Variants in ADGB observed in about 807,000 individuals in gnomAD.
The protein encoded by ADGB is calpain-7-like protein.
Under a neutral mutation model 210.5 loss-of-function variants are expected in ADGB, and 172 were observed. That is an observed-to-expected ratio of 0.82 (90% CI 0.72 to 0.93). The LOEUF (loss-of-function observed/expected upper bound fraction) is 0.93, where lower values mean the gene tolerates loss of function less well. ADGB is among the 40% of genes least tolerant of loss of function. The pLI is 0.00. For missense variants in ADGB, 2,025 were observed against 1,964.8 expected, an observed-to-expected ratio of 1.03 and a Z score of -0.58; for synonymous variants, 658 against 662.7, an observed-to-expected ratio of 0.99 and a Z score of 0.11.
At chr6:146,626,873 G>A (rs568005145) in intron 1 of ADGB, among the ~76,000 whole-genome samples, 1 of 151,432 alleles carries the variant, frequency 6.6e-6, no homozygotes, top group South Asian at 2.1e-4. Context: ...TCCCTTCTTG[G>A]TGACAACAAT....
intron 7 of ADGB, among the ~76,000 whole-genome samples, chr6:146,667,536 G>A (rs764952062): frequency 6.6e-6 from 1 of 151,960 alleles, no homozygotes. Flanking sequence ...CTGTAGCTCA[G>A]CAGTCCTTCA....
intron 1 of ADGB, among the ~76,000 whole-genome samples, chr6:146,633,417 C>G (rs1231320545): frequency 6.6e-6 from 1 of 151,062 alleles, no homozygotes; most frequent in Non-Finnish European, 1.5e-5. Context: ...GGCTTCTTAT[C>G]TCACTCAGAG....
At chr6:146,629,846 TC>T (rs547672108) in intron 1 of ADGB, among the ~76,000 whole-genome samples, 3 of 152,198 alleles carry the variant, frequency 2.0e-5, no homozygotes, top group Non-Finnish European at 2.9e-5. Context: ...TACTTAGGAA[TC>T]CTCTTTAACA....
Position 146,675,095 on chromosome 6 carries a change from C to G in ADGB, c.1088-1218C>G, listed in dbSNP as rs146310072. Among the ~76,000 whole-genome samples the G allele has an allele frequency of 7.9e-5, 12 of 151,912 alleles. No homozygotes were observed. The East Asian group carries it at 2.3e-3, about 29-fold the overall frequency. On this transcript the variant is annotated intron_variant, in intron 8 of 35. Transcript: ENST00000397944. ...GAAACTTCTTGGTTAAATGTTTTAT[C>G]CTATGATTGAAGTTATAGTTATCTT... is the stretch of plus-strand genomic sequence containing the variant.
At chr6:146,656,496 C>A (rs757033316) in intron 4 of ADGB, among the ~76,000 whole-genome samples, 5 of 152,088 alleles carry the variant, frequency 3.3e-5, no homozygotes. Flanking sequence ...AAATAGAAGT[C>A]GTGCCAAATC....
chr6:146,728,477 T>C, intron 19 of ADGB, 97 bp from the exon 20 acceptor site: 3 of 1,204,824 alleles, frequency 2.5e-6, no homozygotes, highest in Non-Finnish European at 3.4e-6. Context: ...TATTGAATCA[T>C]ATAGCAGAGA....
intron 16 of ADGB, among the ~76,000 whole-genome samples, chr6:146,718,346 CAAA>C (rs34547633): frequency 0.016 from 1,294 of 80,162 alleles, 24 homozygotes; most frequent in African/African-American, 0.057. Context: ...GATTCCATCT[CAAA>C]AAAAAAAAAA....
rs138597030 is a variant in ADGB at position 146,666,378 on chromosome 6, T to A, written c.753-438T>A. On this transcript the variant is annotated intron_variant, in intron 6 of 35. Transcript: ENST00000397944. Reference sequence around the variant, plus strand: ...TCCACAGTTATCTAAGGATTTCTGATGCCCATCTTGACTTGCCATAGATGA... The same window carrying A: ...TCCACAGTTATCTAAGGATTTCTGAAGCCCATCTTGACTTGCCATAGATGA... Among the ~76,000 whole-genome samples, 355 of 152,172 alleles carry A rather than the reference T, an allele frequency of 2.3e-3. 1 individual carries two copies. Among genetic ancestry groups the A allele is most frequent in the Middle Eastern group, 3.4e-3 (1 of 294 alleles).
chr6:146,747,353 C>T (rs556609063), intron 26 of ADGB, among the ~76,000 whole-genome samples: 8 of 152,108 alleles, frequency 5.3e-5, no homozygotes, highest in Admixed American at 2.6e-4. Flanking sequence ...AGAAAACTAT[C>T]GTATCACATG....
chr6:146,772,124 T>C (rs886771168), intron 29 of ADGB, among the ~76,000 whole-genome samples: 5 of 152,094 alleles, frequency 3.3e-5, no homozygotes, highest in African/African-American at 1.2e-4. Context: ...AATAATCTCA[T>C]CATAAATCAT....
chr6:146,606,220 G>A (rs1176137450), intron 1 of ADGB, among the ~76,000 whole-genome samples: 3 of 151,802 alleles, frequency 2.0e-5, no homozygotes, highest in African/African-American at 4.8e-5. Flanking sequence ...GTCTGTTTAT[G>A]TCCTTTGCCC....
chr6:146,809,426 G>A (rs1219743845), intron 35 of ADGB, among the ~76,000 whole-genome samples: 1 of 152,046 alleles, frequency 6.6e-6, no homozygotes, highest in Admixed American at 6.6e-5. Context: ...GGCTGGTCTT[G>A]AACTCTTGAC....
chr6:146,670,829 T>G (rs898104184), intron 7 of ADGB, among the ~76,000 whole-genome samples: 2 of 152,150 alleles, frequency 1.3e-5, no homozygotes, highest in African/African-American at 4.8e-5. Context: ...AAAAAAAAAT[T>G]TTTAAAGGCT....
intron 29 of ADGB, among the ~76,000 whole-genome samples, chr6:146,774,820 T>C (rs1777698076): frequency 6.6e-6 from 1 of 152,188 alleles, no homozygotes; most frequent in South Asian, 2.1e-4. Context: ...ATGTCTTTAA[T>C]TTATCCACTT....
At chr6:146,779,305 A>T (rs1562298701) in intron 29 of ADGB, among the ~76,000 whole-genome samples, 1 of 152,234 alleles carries the variant, frequency 6.6e-6, no homozygotes, top group Non-Finnish European at 1.5e-5. Context: ...AAGAAAAAGG[A>T]AGAGATCTTC....
At chr6:146,716,473 G>T (rs1264985691) in intron 14 of ADGB, among the ~76,000 whole-genome samples, 1 of 141,472 alleles carries the variant, frequency 7.1e-6, no homozygotes, top group Non-Finnish European at 1.5e-5. Flanking sequence ...GGCGCCTGTA[G>T]TCCCAGCTAC....
rs565815783 is a variant in ADGB, at chr6:146,602,476, A to C, written c.74+3362A>C. On this transcript the variant is annotated intron_variant, in intron 1 of 35. Coordinates refer to ENST00000397944, the MANE Select transcript of ADGB (RefSeq NM_024694.4). ...CAATTTTTAACGTAAGATAACTTTA[A>C]CATAACATCACAACTGTCACAGATT... Among the ~76,000 whole-genome samples the C allele has an allele frequency of 2.0e-3, 308 of 152,350 alleles. 2 individuals carry two copies. The highest frequency in any genetic ancestry group is 2.9e-3 in the Non-Finnish European group (197 of 68,038).
rs968097530 is a variant in ADGB, at chr6:146,706,329, G to T, written c.1707+5259G>T. ...GGCTGGAGTGCAGTGGCACAATCTC[G>T]GGTCACTGCAACCTCTGCCTCCCAG... is the stretch of plus-strand genomic sequence containing the variant. On this transcript the variant is annotated intron_variant, in intron 13 of 35. Transcript: ENST00000397944. Among the ~76,000 whole-genome samples, 7 of 150,742 alleles carry T rather than the reference G, an allele frequency of 4.6e-5. No homozygotes were observed. The Admixed American group carries it at 4.6e-4, about 10-fold the overall frequency.
At chr6:146,811,084 T>C (rs1778296276) in intron 35 of ADGB, among the ~76,000 whole-genome samples, 1 of 152,226 alleles carries the variant, frequency 6.6e-6, no homozygotes, top group African/African-American at 2.4e-5. Context: ...ATTTAATAAA[T>C]GCAAATGTGC....
Sources: allele counts gnomAD v4.1 joint callset (sites outside exome capture counted in the v4.1 genomes callset), GRCh38; gene constraint gnomAD v4.1.1; transcripts MANE v1.5; gene names NCBI Gene and HGNC (gene_info 2026-07-23, HGNC 2026-07-21).